The following ATP5F1C variants were observed in gnomAD, a reference collection of about 807,000 sequenced individuals.
ATP5F1C encodes the protein ATP synthase F1 subunit gamma, also known as ATP synthase F(1) complex subunit gamma, mitochondrial.
ATP5F1C carries 22 observed loss-of-function variants against 37.4 expected under a neutral mutation model. The observed-to-expected ratio is 0.59, with a 90% CI of 0.42 to 0.84. The LOEUF (loss-of-function observed/expected upper bound fraction) is 0.84, where lower values mean the gene tolerates loss of function less well. Ranked by LOEUF, ATP5F1C falls within the 40% of genes least tolerant of loss-of-function variation. The pLI, the probability that ATP5F1C is intolerant of heterozygous loss-of-function variation, is 0.00. For missense variants in ATP5F1C, 286 were observed against 362.4 expected (o/e 0.79, Z 1.71); for synonymous variants, 121 against 128.0 (o/e 0.95, Z 0.37).
chr10:7,795,131 T>C (rs976288937), intron 1 of ATP5F1C, among the ~76,000 whole-genome samples: 5 of 152,334 alleles, frequency 3.3e-5, no homozygotes, highest in Admixed American at 3.3e-4. Flanking sequence ...TAAACCAATT[T>C]GCTTTTTTTG....
At chr10:7,802,152 T>C in intron 6 of ATP5F1C, 118 bp from the exon 7 acceptor site, 2 of 1,011,762 alleles carry the variant, frequency 2.0e-6, no homozygotes, top group Non-Finnish European at 2.8e-6. Flanking sequence ...TCATTTACCT[T>C]ATCTAGCATT....
intron 2 of ATP5F1C, 189 bp from the exon 3 acceptor site, chr10:7,796,858 A>G (rs1012998551): frequency 2.4e-5 from 12 of 504,670 alleles, no homozygotes; most frequent in Non-Finnish European, 4.0e-5. Context: ...TGCTGGGATT[A>G]CAGGCGTGAG....
At position 7,802,802 on chromosome 10, in the gene ATP5F1C, C is replaced by A; in HGVS notation, c.838C>A (p.Gln280Lys). 1.2e-6 allele frequency: 2 copies of A among 1,614,028 alleles called. No homozygotes were observed. Among genetic ancestry groups the A allele is most frequent in the Non-Finnish European group, 1.7e-6 (2 of 1,179,976 alleles). ...KLTLTFNRTRQAVITKELIEI... is the reference protein window; with the variant it reads ...KLTLTFNRTRKAVITKELIEI... ...GACATTGACATTCAACCGTACCCGC[C>A]AAGCTGTCATCACAAAAGAGTTGAT... The change falls in exon 8 of 10, where the codon CAA (glutamine) becomes AAA (lysine). Residue 280 changes from glutamine to lysine, a missense_variant. Gln to Lys is a moderately conservative substitution (Grantham distance 53). Coordinates refer to ENST00000356708, the MANE Select transcript of ATP5F1C (RefSeq NM_001001973.3).
At chr10:7,804,026 G>A in intron 8 of ATP5F1C, 1 of 512,974 alleles carries the variant, frequency 1.9e-6, no homozygotes, top group South Asian at 1.4e-5. Flanking sequence ...AGTGGTAACA[G>A]TATTTGCCTT....
At chr10:7,788,585 C>T (rs75505562) in intron 1 of ATP5F1C, among the ~76,000 whole-genome samples, 1,845 of 152,326 alleles carry the variant, frequency 0.012, 34 homozygotes, top group African/African-American at 0.041. Flanking sequence ...ATCAGCACTT[C>T]CTGAGCTTCC....
chr10:7,800,498 TA>T (rs372723620), intron 6 of ATP5F1C, among the ~76,000 whole-genome samples: 18,949 of 146,444 alleles, frequency 0.13, 1,374 homozygotes, highest in South Asian at 0.2. Context: ...TTTATTTTTT[TA>T]TTTTTTATTT....
chr10:7,804,285 A>G (rs1234877289), intron 8 of ATP5F1C: 2 of 481,656 alleles, frequency 4.2e-6, no homozygotes, highest in South Asian at 3.0e-5. Context: ...TCTGTTATAC[A>G]CTCATTCTGC....
At chr10:7,798,240 T>C (rs1247677548) in intron 3 of ATP5F1C, among the ~76,000 whole-genome samples, 1 of 151,918 alleles carries the variant, frequency 6.6e-6, no homozygotes, top group Non-Finnish European at 1.5e-5. Flanking sequence ...TTGTTTTCTT[T>C]TTGTGTTTTT....
At chr10:7,802,134 G>A in intron 6 of ATP5F1C, 136 bp from the exon 7 acceptor site, 1 of 886,734 alleles carries the variant, frequency 1.1e-6, no homozygotes, top group Non-Finnish European at 1.6e-6. Context: ...GACATTATTA[G>A]AACAGATTCA....
Position 7,800,093 on chromosome 10 carries a change from TAAG to T in ATP5F1C, c.637+3_637+5del. On this transcript the variant is annotated splice_donor_5th_base_variant and intron_variant, in intron 6 of 9. Transcript: ENST00000356708. Reference sequence around the variant, plus strand: ...CCCTTAATACCGTTGCAAGTGCTGGTAAGTAGTTTTTCTATGATACATATTTTT... The same window carrying T: ...CCCTTAATACCGTTGCAAGTGCTGGTTAGTTTTTCTATGATACATATTTTT... 6.2e-7 allele frequency: 1 copy of T among 1,613,466 alleles called. No individual in the cohort carries two copies.
At chr10:7,790,772 G>A (rs1836150205) in intron 1 of ATP5F1C, among the ~76,000 whole-genome samples, 1 of 152,188 alleles carries the variant, frequency 6.6e-6, no homozygotes, top group East Asian at 1.9e-4. Flanking sequence ...CCTTGGGCAG[G>A]TTACTCAGTG....
At chr10:7,805,918 C>T (rs936417553) in intron 8 of ATP5F1C, among the ~76,000 whole-genome samples, 1 of 152,144 alleles carries the variant, frequency 6.6e-6, no homozygotes, top group Admixed American at 6.5e-5. Flanking sequence ...AAGACCCCAT[C>T]TCTACAAAAA....
At chr10:7,805,485 C>T (rs1038986505) in intron 8 of ATP5F1C, among the ~76,000 whole-genome samples, 13 of 151,938 alleles carry the variant, frequency 8.6e-5, no homozygotes, top group Non-Finnish European at 1.6e-4. Flanking sequence ...CAGGGGCTGA[C>T]GCCTGTAATC....
intron 6 of ATP5F1C, chr10:7,801,390 CA>C (rs1836363899): frequency 1.3e-5 from 2 of 152,152 alleles, no homozygotes; most frequent in Non-Finnish European, 2.9e-5. Flanking sequence ...CACTTGACCC[CA>C]ATGAATGAAT....
chr10:7,791,164 G>T (rs1479578898), intron 1 of ATP5F1C, among the ~76,000 whole-genome samples: 1 of 152,108 alleles, frequency 6.6e-6, no homozygotes, highest in East Asian at 1.9e-4. Context: ...CCCAGACGTG[G>T]TGGTACGCAC....
chr10:7,792,367 G>C (rs993762827), intron 1 of ATP5F1C, among the ~76,000 whole-genome samples: 5 of 152,132 alleles, frequency 3.3e-5, no homozygotes, highest in Non-Finnish European at 7.3e-5. Flanking sequence ...CCTGGGTGAG[G>C]GGAGTGAGAC....
At chr10:7,798,767 G>A (rs531834249) in intron 3 of ATP5F1C, among the ~76,000 whole-genome samples, 20 of 152,234 alleles carry the variant, frequency 1.3e-4, no homozygotes, top group Non-Finnish European at 2.4e-4. Flanking sequence ...CTGACCTCAG[G>A]TGATCCGCCC....
intron 1 of ATP5F1C, among the ~76,000 whole-genome samples, chr10:7,788,718 C>A (rs1399782626): frequency 1.3e-5 from 2 of 152,094 alleles, no homozygotes; most frequent in African/African-American, 4.8e-5. Context: ...CCCTGTAGTG[C>A]TGGACAGAGT....
At chr10:7,791,129 G>T (rs917324110) in intron 1 of ATP5F1C, among the ~76,000 whole-genome samples, 18 of 152,058 alleles carry the variant, frequency 1.2e-4, no homozygotes, top group African/African-American at 2.4e-4. Flanking sequence ...GTGAAACCCT[G>T]TCTGTACTAA....
Sources: gnomAD v4.1 joint callset for allele counts (sites outside exome capture counted in the v4.1 genomes callset) on GRCh38, gnomAD v4.1.1 for gene constraint, MANE v1.5 for transcripts, NCBI Gene and HGNC (gene_info 2026-07-23, HGNC 2026-07-21) for gene names.